Variants in PTPRG observed in about 807,000 individuals in gnomAD.
The protein encoded by PTPRG is protein tyrosine phosphatase receptor type G, also known as receptor-type tyrosine-protein phosphatase gamma.
A neutral mutation model predicts 165.3 loss-of-function variants in PTPRG; 102 were observed. The observed-to-expected ratio is 0.62, with a 90% CI of 0.53 to 0.73. The LOEUF is 0.73. Ranked by LOEUF, PTPRG falls within the 30% of genes least tolerant of loss-of-function variation. The probability of loss-of-function intolerance (pLI) is 0.00; values close to 1 mark genes in which losing one functional copy is unlikely to be tolerated. For missense variants in PTPRG, 1,866 were observed against 1,861.4 expected, an observed-to-expected ratio of 1.00 and a Z score of -0.05; for synonymous variants, 675 against 669.5, an observed-to-expected ratio of 1.01 and a Z score of -0.13.
At chr3:62,103,998 G>A (rs147678867) in intron 5 of PTPRG, among the ~76,000 whole-genome samples, 15 of 152,336 alleles carry the variant, frequency 9.8e-5, no homozygotes, top group African/African-American at 3.6e-4. Context: ...AGTCAAAACT[G>A]TGCCATCCCT....
At chr3:61,763,306 T>C (rs1400265114) in intron 2 of PTPRG, among the ~76,000 whole-genome samples, 1 of 151,884 alleles carries the variant, frequency 6.6e-6, no homozygotes, top group African/African-American at 2.4e-5. Context: ...GGCATGATCT[T>C]GGCTCACTGC....
chr3:61,678,983 G>A (rs1172604249), intron 1 of PTPRG, among the ~76,000 whole-genome samples: 2 of 151,004 alleles, frequency 1.3e-5, no homozygotes, highest in East Asian at 1.9e-4. Context: ...TTTTCCCCCC[G>A]TTAAGTGACG....
intron 1 of PTPRG, among the ~76,000 whole-genome samples, chr3:61,664,227 A>T (rs191126655): frequency 3.3e-4 from 50 of 152,276 alleles, no homozygotes; most frequent in Non-Finnish European, 2.9e-5. Flanking sequence ...TGCTCCTTGT[A>T]GTCAAGCTAG....
intron 4 of PTPRG, among the ~76,000 whole-genome samples, chr3:62,072,551 C>T (rs1314607844): frequency 6.6e-6 from 1 of 151,852 alleles, no homozygotes; most frequent in African/African-American, 2.4e-5. Context: ...TGCAAGCAGT[C>T]TATCGGTGGC....
chr3:61,734,766 A>G (rs2032653590), intron 1 of PTPRG, among the ~76,000 whole-genome samples: 1 of 152,186 alleles, frequency 6.6e-6, no homozygotes, highest in Non-Finnish European at 1.5e-5. Context: ...AGTTTGATTG[A>G]CCGTATTGCA....
chr3:62,256,095 T>C (rs925888323), intron 16 of PTPRG, among the ~76,000 whole-genome samples: 2 of 152,202 alleles, frequency 1.3e-5, no homozygotes, highest in African/African-American at 4.8e-5. Flanking sequence ...AGTTGGTTCC[T>C]TTCTCTGTCT....
chr3:62,139,913 C>G (rs1017449176), intron 6 of PTPRG, among the ~76,000 whole-genome samples: 1 of 152,252 alleles, frequency 6.6e-6, no homozygotes, highest in South Asian at 2.1e-4. Context: ...TATGCATTGA[C>G]TGCCCTGCCA....
At chr3:62,216,562 A>T (rs1442423931) in intron 12 of PTPRG, among the ~76,000 whole-genome samples, 4 of 150,294 alleles carry the variant, frequency 2.7e-5, no homozygotes, top group Non-Finnish European at 3.0e-5. Context: ...CACCAGCCAG[A>T]TAATTGCCTG....
At chr3:61,602,594 G>A (rs1424026938) in intron 1 of PTPRG, among the ~76,000 whole-genome samples, 2 of 152,226 alleles carry the variant, frequency 1.3e-5, no homozygotes, top group East Asian at 1.9e-4. Context: ...TTTAGCTGCA[G>A]TAAAACCTGC....
At chr3:62,249,879 G>C (rs985100340) in intron 15 of PTPRG, among the ~76,000 whole-genome samples, 4 of 152,284 alleles carry the variant, frequency 2.6e-5, no homozygotes, top group Middle Eastern at 3.4e-3. Context: ...GAAGAACCCA[G>C]GCTTTGGAGT....
At chr3:61,992,671 G>A (rs181151522) in intron 3 of PTPRG, among the ~76,000 whole-genome samples, 190 of 152,192 alleles carry the variant, frequency 1.2e-3, no homozygotes, top group South Asian at 6.2e-3. Flanking sequence ...AGGAGTGCGC[G>A]CCACCACCCC....
intron 5 of PTPRG, among the ~76,000 whole-genome samples, chr3:62,127,409 C>A (rs67068291): frequency 0.16 from 23,871 of 152,116 alleles, 2,024 homozygotes; most frequent in Admixed American, 0.19. Context: ...CCCTTGTCCT[C>A]ATACAGCAAA....
chr3:61,971,651 T>C (rs2040387494), intron 2 of PTPRG, among the ~76,000 whole-genome samples: 2 of 152,212 alleles, frequency 1.3e-5, no homozygotes, highest in African/African-American at 4.8e-5. Flanking sequence ...AGAGAGGAGA[T>C]GTCACATAGG....
At chr3:61,810,751 A>G (rs2035549578) in intron 2 of PTPRG, among the ~76,000 whole-genome samples, 1 of 152,194 alleles carries the variant, frequency 6.6e-6, no homozygotes, top group South Asian at 2.1e-4. Flanking sequence ...CAAAGAAACT[A>G]ATTAGAATGA....
chr3:62,244,744 C>T (rs1246680851), intron 15 of PTPRG, among the ~76,000 whole-genome samples: 1 of 152,132 alleles, frequency 6.6e-6, no homozygotes, highest in Non-Finnish European at 1.5e-5. Context: ...TTTCTTTGCT[C>T]TCTTCCCACT....
intron 5 of PTPRG, among the ~76,000 whole-genome samples, chr3:62,111,928 A>T (rs1040693970): frequency 9.2e-5 from 14 of 152,138 alleles, no homozygotes; most frequent in African/African-American, 3.4e-4. Context: ...GACTTAAAAA[A>T]TTTTGTTTTG....
intron 4 of PTPRG, among the ~76,000 whole-genome samples, chr3:62,052,058 C>T (rs1700484985): frequency 6.6e-6 from 1 of 152,132 alleles, no homozygotes; most frequent in Non-Finnish European, 1.5e-5. Flanking sequence ...TGACATGGAG[C>T]TGGGCATGGA....
rs1702561137 is a variant in PTPRG at position 62,108,709 on chromosome 3, G to T, written c.616-23893G>T. 2.0e-5 allele frequency among the ~76,000 whole-genome samples: 3 copies of T among 152,238 alleles called. No homozygotes were observed. The South Asian group carries it at 6.2e-4, about 32-fold the overall frequency. On this transcript the variant is annotated intron_variant, in intron 5 of 29. Coordinates refer to ENST00000474889, the MANE Select transcript of PTPRG (RefSeq NM_002841.4). ...CTCCACATCCTCTCCAGCATCTTTT[G>T]TTTCCTGGCTTTGTAATGATCCCCA...
Position 61,869,747 on chromosome 3 carries a change from TTTTTG to T in PTPRG, c.191-119847_191-119843del, listed in dbSNP as rs552364668. ...GTGCACGCCACCCTGCCTGGCTAATTTTTTGTTTTGTTTTGTTTTGTTTTGTTTTG... is the reference window on the plus strand; with the variant it reads ...GTGCACGCCACCCTGCCTGGCTAATTTTTTGTTTTGTTTTGTTTTGTTTTG... On this transcript the variant is annotated intron_variant, in intron 2 of 29. Transcript: ENST00000474889. Among the ~76,000 whole-genome samples the T allele has an allele frequency of 2.5e-3, 376 of 151,286 alleles. 3 individuals carry two copies. The highest frequency in any genetic ancestry group is 8.2e-3 in the African/African-American group (339 of 41,124).
Sources: gnomAD v4.1 joint callset for allele counts (sites outside exome capture counted in the v4.1 genomes callset) on GRCh38, gnomAD v4.1.1 for gene constraint, MANE v1.5 for transcripts, NCBI Gene and HGNC (gene_info 2026-07-23, HGNC 2026-07-21) for gene names.